NASP: variants seen among roughly 807,000 people sequenced by gnomAD.
NASP encodes NASP histone chaperone.
NASP carries 24 observed loss-of-function variants against 89.5 expected under a neutral mutation model. That is an observed-to-expected ratio of 0.27 (90% CI 0.19 to 0.38). NASP has a LOEUF of 0.38. Ranked by LOEUF, NASP falls within the 10% of genes least tolerant of loss-of-function variation. The pLI is 1.00. For missense variants in NASP, 848 were observed against 921.4 expected (o/e 0.92, Z 1.03); for synonymous variants, 306 against 324.7 (o/e 0.94, Z 0.62).
intron 11 of NASP, among the ~76,000 whole-genome samples, chr1:45,616,129 T>G (rs1415265687): frequency 6.6e-6 from 1 of 152,126 alleles, no homozygotes; most frequent in East Asian, 1.9e-4. Flanking sequence ...GAAGATTTAG[T>G]TTATTATGTA....
intron 13 of NASP, 166 bp from the exon 14 acceptor site, chr1:45,617,297 C>A: frequency 1.4e-6 from 1 of 693,418 alleles, no homozygotes; most frequent in Non-Finnish European, 2.4e-6. Flanking sequence ...TTAATACATT[C>A]TGAGAGTACA....
intron 2 of NASP, among the ~76,000 whole-genome samples, chr1:45,593,551 A>C (rs559578623): frequency 6.6e-6 from 1 of 151,608 alleles, no homozygotes; most frequent in South Asian, 2.1e-4. Flanking sequence ...AAAAAAAAAA[A>C]AAAACTCCGA....
intron 5 of NASP, 173 bp from the exon 6 acceptor site, chr1:45,607,148 C>G: frequency 1.5e-6 from 1 of 660,860 alleles, no homozygotes; most frequent in East Asian, 2.7e-5. Flanking sequence ...AGTTGCTCTG[C>G]TAGCCGGGAT....
chr1:45,605,064 T>C (rs199706182), intron 4 of NASP, 48 bp downstream of exon 4: 1 of 1,421,414 alleles, frequency 7.0e-7, no homozygotes, highest in Admixed American at 1.7e-5. Flanking sequence ...TAAGATTGTT[T>C]ACTAGCTTTG....
intron 1 of NASP, among the ~76,000 whole-genome samples, chr1:45,587,687 T>TATATATAAAAAA (rs66829841): frequency 9.0e-5 from 7 of 78,200 alleles, no homozygotes; most frequent in Non-Finnish European, 2.3e-5. Flanking sequence ...TATATATATA[T>TATATATAAAAAA]AATTAATTTT....
At chr1:45,614,043 A>T (rs1569609016) in intron 7 of NASP, 53 bp from the exon 8 acceptor site, 2 of 1,359,754 alleles carry the variant, frequency 1.5e-6, no homozygotes, top group East Asian at 2.3e-5. Flanking sequence ...TTATACATTT[A>T]GATTTGTATT....
chr1:45,613,059 G>C (rs1236626595), intron 6 of NASP, 110 bp from the exon 7 acceptor site: 1 of 1,399,402 alleles, frequency 7.1e-7, no homozygotes, highest in Non-Finnish European at 9.4e-7. Context: ...ACTTGGATTA[G>C]CATCTGGCCT....
chr1:45,584,051 C>T lies in NASP; in HGVS notation c.-96C>T, dbSNP rs1644488189. On this transcript the variant is annotated 5_prime_UTR_variant, in exon 1 of 15. Coordinates refer to ENST00000350030, the MANE Select transcript of NASP (RefSeq NM_002482.4). Reference sequence around the variant, plus strand: ...CCGGCCGCGCGGGGTCTCTAATCTGCCATTTTCTGTCCCTGAGTGAGTCTC... The same window carrying T: ...CCGGCCGCGCGGGGTCTCTAATCTGTCATTTTCTGTCCCTGAGTGAGTCTC... The T allele has an allele frequency of 1.6e-6, 2 of 1,212,764 alleles. No individual in the cohort carries two copies. The highest frequency in any genetic ancestry group is 2.3e-6 in the Non-Finnish European group (2 of 852,528). The allele number at this position is 1,212,764 out of a possible 1,614,324, so 75.1% of individuals were successfully genotyped here.
intron 2 of NASP, among the ~76,000 whole-genome samples, chr1:45,601,657 A>G (rs901325052): frequency 1.4e-4 from 21 of 148,072 alleles, no homozygotes; most frequent in South Asian, 1.3e-3. Flanking sequence ...TGGTTCTTTT[A>G]TGATACCTTT....
At chr1:45,599,630 T>C (rs1179029901) in intron 2 of NASP, among the ~76,000 whole-genome samples, 3 of 150,538 alleles carry the variant, frequency 2.0e-5, no homozygotes, top group Non-Finnish European at 4.4e-5. Flanking sequence ...GGTTTCACCA[T>C]CTTGGCCAGG....
chr1:45,613,270 A>G, intron 7 of NASP, 22 bp downstream of exon 7: 1 of 1,595,370 alleles, frequency 6.3e-7, no homozygotes, highest in Non-Finnish European at 8.5e-7. Flanking sequence ...GCCACTCAGT[A>G]CTGTTGTCAG....
chr1:45,615,788 G>A (rs1466056604), intron 11 of NASP: 1 of 244,196 alleles, frequency 4.1e-6, no homozygotes, highest in African/African-American at 2.3e-5. Flanking sequence ...AATGCTTTTG[G>A]ATTTTGGAAT....
At chr1:45,606,628 C>T (rs758613913) in intron 5 of NASP, 37 bp downstream of exon 5, 9 of 1,400,422 alleles carry the variant, frequency 6.4e-6, no homozygotes, top group African/African-American at 4.2e-5. Context: ...AGAGATGCGA[C>T]GTTGTATATT....
intron 2 of NASP, among the ~76,000 whole-genome samples, chr1:45,599,877 C>G (rs1004796226): frequency 6.6e-6 from 1 of 151,536 alleles, no homozygotes; most frequent in African/African-American, 2.4e-5. Flanking sequence ...TTTTCTGTTT[C>G]TCAAATATTT....
chr1:45,617,449 A>G lies in NASP; in HGVS notation c.2158-14A>G, dbSNP rs1569625969. The G allele has an allele frequency of 6.2e-7, 1 of 1,608,806 alleles. No homozygotes were observed. The highest frequency in any genetic ancestry group is 2.2e-5 in the East Asian group (1 of 44,736). The stretch of plus-strand genomic sequence containing the variant: ...TTAAGCACATTTGTGAAGCCTTCAC[A>G]ATTATATCTTTAGAGGAAACCAGAG... On this transcript the variant is annotated splice_polypyrimidine_tract_variant and intron_variant, in intron 13 of 14. Transcript: ENST00000350030.
intron 1 of NASP, among the ~76,000 whole-genome samples, chr1:45,587,422 C>T (rs779350703): frequency 1.4e-4 from 21 of 151,690 alleles, no homozygotes; most frequent in Non-Finnish European, 2.1e-4. Flanking sequence ...CAGCCGGTCT[C>T]GGCGTGAGCC....
At chr1:45,616,236 G>C in intron 11 of NASP, 101 bp from the exon 12 acceptor site, 2 of 1,087,388 alleles carry the variant, frequency 1.8e-6, no homozygotes, top group Non-Finnish European at 2.8e-6. Context: ...TAGCATTTCA[G>C]GTCTTAGTCA....
chr1:45,603,207 G>A (rs183289740), intron 3 of NASP, among the ~76,000 whole-genome samples: 34 of 152,176 alleles, frequency 2.2e-4, no homozygotes, highest in Admixed American at 2.2e-3. Flanking sequence ...TCCATTATCT[G>A]AGAGAAAAAA....
intron 11 of NASP, 145 bp downstream of exon 11, chr1:45,615,616 A>G: frequency 1.4e-6 from 1 of 722,020 alleles, no homozygotes; most frequent in Non-Finnish European, 2.3e-6. Flanking sequence ...GCAGTGGTTA[A>G]GAGGAAATAC....
Sources: allele counts gnomAD v4.1 joint callset (sites outside exome capture counted in the v4.1 genomes callset), GRCh38; gene constraint gnomAD v4.1.1; transcripts MANE v1.5; gene names NCBI Gene and HGNC (gene_info 2026-07-23, HGNC 2026-07-21).